MYO3A: variants seen among roughly 807,000 people sequenced by gnomAD.
The protein encoded by MYO3A is myosin-IIIa.
MYO3A carries 180 observed loss-of-function variants against 192.7 expected under a neutral mutation model. That is an observed-to-expected ratio of 0.93 (90% confidence interval 0.83 to 1.06). The LOEUF (loss-of-function observed/expected upper bound fraction) is 1.06. Ranked by LOEUF, MYO3A falls within the 50% of genes least tolerant of loss-of-function variation. The probability of loss-of-function intolerance (pLI) is 0.00; values close to 1 mark genes in which losing one functional copy is unlikely to be tolerated. For synonymous variants in MYO3A, 628 were observed against 645.3 expected (o/e 0.97, Z 0.41); for missense variants, 1,896 against 1,905.0 (o/e 1.00, Z 0.09).
intron 4 of MYO3A, among the ~76,000 whole-genome samples, chr10:25,962,773 G>A (rs535596128): frequency 2.6e-4 from 39 of 152,212 alleles, no homozygotes; most frequent in African/African-American, 7.2e-4. Flanking sequence ...TACCTGAACC[G>A]GGAGACCGTA....
chr10:26,030,083 A>G (rs921136814), intron 10 of MYO3A, among the ~76,000 whole-genome samples: 8 of 152,020 alleles, frequency 5.3e-5, no homozygotes, highest in African/African-American at 1.9e-4. Context: ...AGTTTTTTCA[A>G]TCTTTTTCCC....
intron 14 of MYO3A, among the ~76,000 whole-genome samples, chr10:26,077,238 T>TTTTTTTTGTTTG (rs1055085674): frequency 7.2e-6 from 1 of 139,166 alleles, no homozygotes; most frequent in Non-Finnish European, 1.5e-5. Flanking sequence ...CTAAGGTTTT[T>TTTTTTTTGTTTG]TTTTTTTTTT....
intron 31 of MYO3A, among the ~76,000 whole-genome samples, chr10:26,178,837 T>TGG (rs1227461064): frequency 8.0e-4 from 122 of 151,832 alleles, no homozygotes; most frequent in Non-Finnish European, 9.6e-4. Flanking sequence ...AGTCTTGCTC[T>TGG]GTCACCCAGG....
chr10:26,085,055 G>A (rs1293414677), intron 14 of MYO3A, among the ~76,000 whole-genome samples: 2 of 151,990 alleles, frequency 1.3e-5, no homozygotes, highest in African/African-American at 2.4e-5. Flanking sequence ...GTAGATAATT[G>A]TTCATAATAG....
At chr10:25,957,225 A>G (rs908253439) in intron 4 of MYO3A, among the ~76,000 whole-genome samples, 1 of 152,116 alleles carries the variant, frequency 6.6e-6, no homozygotes. Flanking sequence ...AAGTAACTGA[A>G]TCGTGGGGGC....
chr10:26,088,211 C>G lies in MYO3A; in HGVS notation c.1368C>G (p.Asn456Lys). ...QQLTVLGKAN[N>K]RTLQEKILQV... ...TAATATTTTCTATTTAGGCTAATAACAGAACCTTGCAAGAGAAGATTTTAC... is the reference window on the plus strand; with the variant it reads ...TAATATTTTCTATTTAGGCTAATAAGAGAACCTTGCAAGAGAAGATTTTAC... The change falls in exon 15 of 35, where the codon AAC (asparagine) becomes AAG (lysine). Residue 456 changes from asparagine (N) to lysine (K), a missense_variant. By Grantham distance (94) the Asn-to-Lys change is moderately conservative. Transcript: ENST00000642920. The G allele has an allele frequency of 6.2e-7, 1 of 1,607,480 alleles. No homozygotes were observed. Among genetic ancestry groups the G allele is most frequent in the Non-Finnish European group, 8.5e-7 (1 of 1,176,228 alleles).
intron 4 of MYO3A, among the ~76,000 whole-genome samples, chr10:25,988,385 A>G (rs1839789049): frequency 6.6e-6 from 1 of 152,138 alleles, no homozygotes; most frequent in Admixed American, 6.5e-5. Context: ...TTAAATAAAA[A>G]TAAAATAAAA....
chr10:26,015,553 C>T (rs1378989136), intron 6 of MYO3A, among the ~76,000 whole-genome samples: 1 of 152,104 alleles, frequency 6.6e-6, no homozygotes, highest in Non-Finnish European at 1.5e-5. Context: ...TTCTTTCCAG[C>T]TTAAGTTTAC....
chr10:26,167,049 A>T (rs1294573263), intron 27 of MYO3A, among the ~76,000 whole-genome samples: 1 of 152,198 alleles, frequency 6.6e-6, no homozygotes, highest in Non-Finnish European at 1.5e-5. Context: ...TTGTGCACTG[A>T]ATATATCTTA....
At chr10:26,096,704 A>T (rs1297163180) in intron 17 of MYO3A, 22 bp downstream of exon 17, 12 of 1,455,352 alleles carry the variant, frequency 8.2e-6, no homozygotes, top group Non-Finnish European at 1.2e-5. Flanking sequence ...AGACACTTGA[A>T]CTTCTTTAGA....
intron 2 of MYO3A, among the ~76,000 whole-genome samples, chr10:25,949,014 T>TC (rs373310483): frequency 4.9e-4 from 75 of 152,296 alleles, no homozygotes; most frequent in African/African-American, 1.8e-3. Flanking sequence ...ATTTTTAGTG[T>TC]CAGCTCAAAT....
intron 6 of MYO3A, among the ~76,000 whole-genome samples, chr10:26,014,775 G>C (rs1841891560): frequency 6.6e-6 from 1 of 152,030 alleles, no homozygotes; most frequent in African/African-American, 2.4e-5. Context: ...TATAGTTTCA[G>C]TTCTCATTCC....
chr10:26,029,039 T>C (rs1170340285), intron 10 of MYO3A, among the ~76,000 whole-genome samples: 2 of 152,240 alleles, frequency 1.3e-5, no homozygotes, highest in Admixed American at 1.3e-4. Context: ...ACAAACATTA[T>C]TGAAAATATA....
intron 14 of MYO3A, among the ~76,000 whole-genome samples, chr10:26,085,808 G>A (rs74619702): frequency 1.3e-5 from 2 of 152,212 alleles, no homozygotes; most frequent in Non-Finnish European, 2.9e-5. Context: ...GGTTGCTGGG[G>A]TATCTTGCTT....
intron 6 of MYO3A, among the ~76,000 whole-genome samples, chr10:26,001,433 G>T (rs1352637966): frequency 6.6e-6 from 1 of 152,212 alleles, no homozygotes; most frequent in East Asian, 1.9e-4. Flanking sequence ...CAGCTCTGCT[G>T]TGTCTAAATG....
intron 10 of MYO3A, among the ~76,000 whole-genome samples, chr10:26,054,641 C>T (rs371005418): frequency 3.9e-5 from 6 of 152,108 alleles, no homozygotes; most frequent in South Asian, 4.2e-4. Context: ...GATTAGTGGC[C>T]GGGCCCTAAA....
In MYO3A at chr10:26,000,385, A is replaced by G. The variant is rs529574507; in HGVS notation, c.508+3127A>G. The stretch of plus-strand genomic sequence containing the variant: ...CATGATCTTCACCCCAGTGTGCCTG[A>G]GGCATCACTCTGTTTGGCAGTGGGA... On this transcript the variant is annotated intron_variant, in intron 6 of 34. Coordinates refer to ENST00000642920, the MANE Select transcript of MYO3A (RefSeq NM_017433.5). Among the ~76,000 whole-genome samples, 3 of 152,294 alleles carry G rather than the reference A, an allele frequency of 2.0e-5. No homozygotes were observed. The South Asian group carries it at 6.2e-4, about 32-fold the overall frequency.
At chr10:26,202,677 A>G in intron 33 of MYO3A, 1 of 374,972 alleles carries the variant, frequency 2.7e-6, no homozygotes, top group Non-Finnish European at 5.0e-6. Context: ...CACTGCAATC[A>G]CTGGCTATTC....
chr10:26,096,002 T>C (rs1335280608), intron 15 of MYO3A, among the ~76,000 whole-genome samples: 1 of 152,032 alleles, frequency 6.6e-6, no homozygotes, highest in Non-Finnish European at 1.5e-5. Context: ...AATGAGACAA[T>C]GTAGCACTTG....
Sources: allele counts gnomAD v4.1 joint callset (sites outside exome capture counted in the v4.1 genomes callset), GRCh38; gene constraint gnomAD v4.1.1; transcripts MANE v1.5; gene names NCBI Gene and HGNC (gene_info 2026-07-23, HGNC 2026-07-21).